The following POC1B variants were observed in gnomAD, a reference collection of about 807,000 sequenced individuals.
The protein encoded by POC1B is POC1 centriolar protein homolog B.
POC1B carries 44 observed loss-of-function variants against 60.6 expected under a neutral mutation model. That is an observed-to-expected ratio of 0.73 (90% CI 0.57 to 0.93). POC1B has a LOEUF of 0.93. Among genes scored for constraint, POC1B ranks in the 40% least tolerant of loss-of-function variants. POC1B has a pLI of 0.00. For missense variants in POC1B, 555 were observed against 572.3 expected, an observed-to-expected ratio of 0.97 and a Z score of 0.31; for synonymous variants, 180 against 198.9, an observed-to-expected ratio of 0.90 and a Z score of 0.80.
chr12:89,509,065 A>T (rs1870045790), intron 2 of POC1B, among the ~76,000 whole-genome samples: 3 of 152,130 alleles, frequency 2.0e-5, no homozygotes, highest in Admixed American at 6.5e-5. Flanking sequence ...TCCTTTCATA[A>T]TTTTCTAACC....
At chr12:89,483,428 A>G (rs1484286301) in intron 4 of POC1B, among the ~76,000 whole-genome samples, 2 of 152,160 alleles carry the variant, frequency 1.3e-5, no homozygotes, top group African/African-American at 4.8e-5. Flanking sequence ...TAGTAGTGTG[A>G]GAACAAACTA....
In POC1B at chr12:89,524,508, C is replaced by G. The variant is rs751115084; in HGVS notation, c.100+612G>C. 3.7e-6 allele frequency: 6 copies of G among 1,612,254 alleles called. No homozygotes were observed. In the African/African-American group the frequency reaches 5.3e-5, roughly 14 times the overall value. Reference sequence around the variant, plus strand: ...TATAGGCCACTGTTAAAAACGCCAGCAGCAGGCAGCTCTTGCCTGCCCAAG... The same window carrying G: ...TATAGGCCACTGTTAAAAACGCCAGGAGCAGGCAGCTCTTGCCTGCCCAAG... On this transcript the variant is annotated intron_variant, in intron 2 of 11. Coordinates refer to ENST00000313546, the MANE Select transcript of POC1B (RefSeq NM_172240.3).
the POC1B span, among the ~76,000 whole-genome samples, chr12:89,403,266 C>A: frequency 6.6e-6 from 1 of 152,172 alleles, no homozygotes; most frequent in Non-Finnish European, 1.5e-5. Flanking sequence ...CTTGGCCTCC[C>A]AAAGTGATGG....
intron 2 of POC1B, chr12:89,522,273 C>T: frequency 2.5e-6 from 1 of 397,918 alleles, no homozygotes; most frequent in Non-Finnish European, 4.4e-6. Context: ...TCTCTAAAAC[C>T]AGGCCTTTTG....
chr12:89,475,910 CTTTTTTTTT>C (rs972058107), intron 4 of POC1B, among the ~76,000 whole-genome samples: 3 of 86,118 alleles, frequency 3.5e-5, no homozygotes, highest in African/African-American at 1.4e-4. Flanking sequence ...TGAGGGAATT[CTTTTTTTTT>C]TTTTTTTTTT....
At chr12:89,476,930 G>T (rs1883148093) in intron 4 of POC1B, among the ~76,000 whole-genome samples, 1 of 152,162 alleles carries the variant, frequency 6.6e-6, no homozygotes, top group Non-Finnish European at 1.5e-5. Flanking sequence ...TTAGTAAGAG[G>T]AACTCTGAAG....
chr12:89,522,510 A>G, intron 2 of POC1B: 1 of 346,600 alleles, frequency 2.9e-6, no homozygotes, highest in Non-Finnish European at 5.1e-6. Flanking sequence ...TTTAATATTA[A>G]GTCTGGCACT....
rs138283021 is a variant in POC1B, at chr12:89,431,983, T to C, written c.1114-6604A>G. 7.9e-4 allele frequency among the ~76,000 whole-genome samples: 121 copies of C among 152,292 alleles called. 3 individuals are homozygous for C. The East Asian group carries it at 0.021, about 27-fold the overall frequency. ...GGCTGCATCACTCCAATAACTGCTT[T>C]AATTGTTATATCTTCTCTAATTCTC... On this transcript the variant is annotated intron_variant, in intron 10 of 11. Coordinates refer to ENST00000313546, the MANE Select transcript of POC1B (RefSeq NM_172240.3).
intron 10 of POC1B, among the ~76,000 whole-genome samples, chr12:89,450,258 A>G (rs1051735844): frequency 6.6e-6 from 1 of 151,138 alleles, no homozygotes. Flanking sequence ...CCTGGGCTGG[A>G]GTGCAGTGGC....
chr12:89,497,832 C>T (rs568447593), intron 2 of POC1B, among the ~76,000 whole-genome samples: 10 of 152,278 alleles, frequency 6.6e-5, no homozygotes, highest in Admixed American at 5.9e-4. Context: ...CACTAATATG[C>T]CTTTTACCCA....
chr12:89,484,619 T>C (rs1306647315), intron 4 of POC1B, among the ~76,000 whole-genome samples: 1 of 152,218 alleles, frequency 6.6e-6, no homozygotes, highest in East Asian at 1.9e-4. Flanking sequence ...TCCATTGTAC[T>C]CATTTTATAT....
chr12:89,487,462 G>T (rs1004187389), intron 4 of POC1B, among the ~76,000 whole-genome samples: 10 of 152,200 alleles, frequency 6.6e-5, no homozygotes, highest in African/African-American at 2.4e-4. Context: ...CTGGAAGAGA[G>T]GTAGTCTTAT....
chr12:89,524,349 G>T, intron 2 of POC1B: 1 of 1,613,976 alleles, frequency 6.2e-7, no homozygotes, highest in East Asian at 2.2e-5. Flanking sequence ...AATCTGCAGG[G>T]GGCTTCTTAT....
At chr12:89,412,871 C>T in the POC1B span, among the ~76,000 whole-genome samples, 2 of 149,034 alleles carry the variant, frequency 1.3e-5, no homozygotes, top group Non-Finnish European at 3.0e-5. Context: ...TCCCTTCCTT[C>T]CTCCCTTCCT....
chr12:89,512,351 C>T (rs958246316), intron 2 of POC1B, among the ~76,000 whole-genome samples: 24 of 152,156 alleles, frequency 1.6e-4, no homozygotes, highest in Admixed American at 1.3e-3. Context: ...TAATGACAAG[C>T]TGAAGAAATT....
chr12:89,519,093 C>T (rs1481216336), intron 2 of POC1B, among the ~76,000 whole-genome samples: 2 of 152,042 alleles, frequency 1.3e-5, no homozygotes, highest in Admixed American at 6.6e-5. Flanking sequence ...TTTTGTTTTC[C>T]ACCCAGGGTA....
intron 3 of POC1B, among the ~76,000 whole-genome samples, chr12:89,495,290 C>T (rs1489290155): frequency 6.6e-6 from 1 of 152,208 alleles, no homozygotes; most frequent in African/African-American, 2.4e-5. Context: ...AAAGCTAGTT[C>T]TAAATTCCCA....
At chr12:89,472,090 T>C (rs1882921975) in intron 5 of POC1B, 78 bp downstream of exon 5, 2 of 995,452 alleles carry the variant, frequency 2.0e-6, no homozygotes, top group African/African-American at 3.3e-5. Flanking sequence ...CTTTACTCAT[T>C]TATTTATTTA....
intron 3 of POC1B, among the ~76,000 whole-genome samples, chr12:89,496,560 G>A (rs1473384764): frequency 6.6e-6 from 1 of 152,082 alleles, no homozygotes; most frequent in East Asian, 1.9e-4. Flanking sequence ...ATACTTTAAA[G>A]CTTAAAAACA....
Sources: allele counts gnomAD v4.1 joint callset (sites outside exome capture counted in the v4.1 genomes callset), GRCh38; gene constraint gnomAD v4.1.1; transcripts MANE v1.5; gene names NCBI Gene and HGNC (gene_info 2026-07-23, HGNC 2026-07-21).